TBXAS1: variants seen among roughly 807,000 people sequenced by gnomAD.
TBXAS1 encodes the protein thromboxane A synthase 1.
Under a neutral mutation model 60.7 loss-of-function variants are expected in TBXAS1, and 48 were observed. The observed-to-expected ratio is 0.79, with a 90% confidence interval of 0.63 to 1.01. The LOEUF is 1.01. Among genes scored for constraint, TBXAS1 ranks in the 50% least tolerant of loss-of-function variants. The pLI is 0.00. For synonymous variants in TBXAS1, 287 were observed against 269.7 expected, an observed-to-expected ratio of 1.06 and a Z score of -0.63; for missense variants, 685 against 686.3, an observed-to-expected ratio of 1.00 and a Z score of 0.02.
At chr7:139,974,543 G>A (rs1428789310) in intron 9 of TBXAS1, among the ~76,000 whole-genome samples, 1 of 152,146 alleles carries the variant, frequency 6.6e-6, no homozygotes, top group Non-Finnish European at 1.5e-5. Context: ...GACACCTGCT[G>A]GCAATGTGAC....
At chr7:139,996,207 T>C (rs1351613501) in intron 9 of TBXAS1, among the ~76,000 whole-genome samples, 1 of 151,318 alleles carries the variant, frequency 6.6e-6, no homozygotes, top group African/African-American at 2.4e-5. Flanking sequence ...CCTCAAGCAA[T>C]CCTGCCACCT....
At chr7:139,986,824 A>G (rs1812529243) in intron 9 of TBXAS1, among the ~76,000 whole-genome samples, 1 of 126,198 alleles carries the variant, frequency 7.9e-6, no homozygotes, top group East Asian at 2.9e-4. Context: ...TATACACCAT[A>G]GTTTCTTTAT....
chr7:139,911,382 C>A, intron 4 of TBXAS1, 61 bp downstream of exon 4: 1 of 1,415,240 alleles, frequency 7.1e-7, no homozygotes, highest in Non-Finnish European at 1.0e-6. Context: ...GGAGACACTG[C>A]ATGTCAGATC....
intron 3 of TBXAS1, among the ~76,000 whole-genome samples, chr7:139,905,005 C>CTCTTTCTCTCTTTCTCTCTTTCTT (rs1554487120): frequency 9.9e-5 from 9 of 90,480 alleles, no homozygotes; most frequent in Middle Eastern, 5.0e-3. Flanking sequence ...CTCTCTTTCT[C>CTCTTTCTCTCTTTCTCTCTTTCTT]TCTTTCTTTC....
chr7:139,967,035 A>G (rs1810845535), intron 9 of TBXAS1, among the ~76,000 whole-genome samples: 1 of 152,238 alleles, frequency 6.6e-6, no homozygotes, highest in East Asian at 1.9e-4. Context: ...TGAAGTCCTC[A>G]CTGCATAATT....
intron 3 of TBXAS1, among the ~76,000 whole-genome samples, chr7:139,783,350 G>GAAA (rs1797061022): frequency 7.6e-5 from 7 of 92,668 alleles, no homozygotes; most frequent in African/African-American, 3.0e-4. Context: ...AGGAAATATG[G>GAAA]CAAAAAAAAA....
chr7:139,934,545 G>T (rs1807592206), intron 4 of TBXAS1, among the ~76,000 whole-genome samples: 1 of 152,170 alleles, frequency 6.6e-6, no homozygotes, highest in South Asian at 2.1e-4. Flanking sequence ...GTATTAGTTT[G>T]CTAGGCTACT....
Position 139,948,540 on chromosome 7 carries a change from A to T in TBXAS1, c.451-4828A>T, listed in dbSNP as rs1808932970. Among the ~76,000 whole-genome samples the T allele has an allele frequency of 2.6e-5, 4 of 152,256 alleles. No homozygotes were observed. In the South Asian group the frequency reaches 8.3e-4, roughly 31 times the overall value. On this transcript the variant is annotated intron_variant, in intron 5 of 12. Transcript: ENST00000448866. ...ACTTTTTTTAAACCTAATAACATTA[A>T]TATTTTATCTGATTATAAGTGTAAT...
At chr7:139,809,064 T>C (rs1175588318) in intron 4 of TBXAS1, among the ~76,000 whole-genome samples, 1 of 151,708 alleles carries the variant, frequency 6.6e-6, no homozygotes, top group Admixed American at 6.6e-5. Flanking sequence ...TTTACTCATA[T>C]ACTGCCTGTG....
chr7:140,019,279 C>G (rs1815347617), intron 12 of TBXAS1, among the ~76,000 whole-genome samples: 1 of 152,172 alleles, frequency 6.6e-6, no homozygotes, highest in Non-Finnish European at 1.5e-5. Flanking sequence ...CAGAGCAGAG[C>G]CAAACCAAGT....
chr7:139,816,149 A>G (rs150630382), intron 4 of TBXAS1, among the ~76,000 whole-genome samples: 9 of 152,290 alleles, frequency 5.9e-5, no homozygotes, highest in African/African-American at 1.2e-4. Flanking sequence ...CGCCTTGTGA[A>G]GAAGGCGCCT....
intron 9 of TBXAS1, among the ~76,000 whole-genome samples, chr7:139,989,627 C>T (rs967896852): frequency 3.9e-5 from 6 of 152,206 alleles, no homozygotes; most frequent in Non-Finnish European, 8.8e-5. Context: ...AGAGACCTCA[C>T]AGCATCCTCC....
intron 9 of TBXAS1, among the ~76,000 whole-genome samples, chr7:139,978,663 C>T (rs1042112861): frequency 1.3e-5 from 2 of 151,602 alleles, no homozygotes; most frequent in Non-Finnish European, 2.9e-5. Context: ...AAGCAACTGG[C>T]GCAGTGGTTC....
At chr7:140,019,903 C>T (rs1470688128) in intron 12 of TBXAS1, 122 bp from the exon 13 acceptor site, 2 of 915,100 alleles carry the variant, frequency 2.2e-6, no homozygotes, top group Non-Finnish European at 3.5e-6. Context: ...GGGCTTTGCT[C>T]TCTGCTTTCT....
At chr7:139,912,325 G>GAGAT (rs1166863479) in intron 4 of TBXAS1, among the ~76,000 whole-genome samples, 1 of 152,012 alleles carries the variant, frequency 6.6e-6, no homozygotes, top group Non-Finnish European at 1.5e-5. Context: ...CAAAAATAGG[G>GAGAT]AGATAGGCAT....
chr7:139,844,775 A>G (rs939067764), intron 1 of TBXAS1, among the ~76,000 whole-genome samples: 1 of 152,198 alleles, frequency 6.6e-6, no homozygotes, highest in African/African-American at 2.4e-5. Context: ...GCATCATCTC[A>G]TGATCTAAGA....
intron 4 of TBXAS1, among the ~76,000 whole-genome samples, chr7:139,799,305 C>A (rs1447563254): frequency 6.6e-6 from 1 of 151,676 alleles, no homozygotes; most frequent in African/African-American, 2.4e-5. Flanking sequence ...TCTCGGCTCA[C>A]TGCAAACTCT....
Position 139,995,731 on chromosome 7 carries a change from T to C in TBXAS1, c.1135-11360T>C, listed in dbSNP as rs79945391. On this transcript the variant is annotated intron_variant, in intron 9 of 12. Coordinates refer to ENST00000448866, the MANE Select transcript of TBXAS1 (RefSeq NM_001061.7). Reference sequence around the variant, plus strand: ...ATCTTTCTTTCTGGGACTGATGCCATGGGGCCTGGCTCCACCCCCACAACT... The same window carrying C: ...ATCTTTCTTTCTGGGACTGATGCCACGGGGCCTGGCTCCACCCCCACAACT... 7.0e-3 allele frequency among the ~76,000 whole-genome samples: 1,071 copies of C among 152,302 alleles called. 11 individuals carry two copies. The highest frequency in any genetic ancestry group is 0.01 in the Non-Finnish European group (687 of 68,014).
intron 1 of TBXAS1, among the ~76,000 whole-genome samples, chr7:139,844,215 G>C (rs1036290134): frequency 6.6e-6 from 1 of 152,122 alleles, no homozygotes; most frequent in African/African-American, 2.4e-5. Context: ...CAGACTAGGG[G>C]ACAGGAGGCA....
Sources: allele counts gnomAD v4.1 joint callset (sites outside exome capture counted in the v4.1 genomes callset), GRCh38; gene constraint gnomAD v4.1.1; transcripts MANE v1.5; gene names NCBI Gene and HGNC (gene_info 2026-07-23, HGNC 2026-07-21).